CENPW: variants seen among roughly 807,000 people sequenced by gnomAD.
The protein encoded by CENPW is centromere protein W.
Under a neutral mutation model 11.1 loss-of-function variants are expected in CENPW, and 3 were observed. The observed-to-expected ratio is 0.27, with a 90% confidence interval of 0.12 to 0.70. CENPW has a LOEUF of 0.70. CENPW is among the 30% of genes least tolerant of loss of function. CENPW has a pLI of 0.77. For synonymous variants in CENPW, 38 were observed against 42.0 expected (o/e 0.91, Z 0.37); for missense variants, 100 against 105.6 (o/e 0.95, Z 0.23).
At chr6:126,457,150 G>GA in the CENPW span, among the ~76,000 whole-genome samples, 16 of 149,326 alleles carry the variant, frequency 1.1e-4, no homozygotes, top group East Asian at 1.6e-3. Flanking sequence ...TCCAAAAACT[G>GA]AAAAAAAAAT....
chr6:126,389,269 C>A, the CENPW span, among the ~76,000 whole-genome samples: 2 of 151,926 alleles, frequency 1.3e-5, no homozygotes, highest in Non-Finnish European at 2.9e-5. Flanking sequence ...GAGACAATTG[C>A]TATCTACAGT....
At chr6:126,474,573 A>G in the CENPW span, among the ~76,000 whole-genome samples, 1 of 152,186 alleles carries the variant, frequency 6.6e-6, no homozygotes, top group Non-Finnish European at 1.5e-5. Context: ...TTTGTCTGCT[A>G]TGACAATTAT....
the CENPW span, among the ~76,000 whole-genome samples, chr6:126,406,850 CT>C: frequency 6.7e-6 from 1 of 150,146 alleles, no homozygotes; most frequent in Non-Finnish European, 1.5e-5. Flanking sequence ...AGACTCCATC[CT>C]GGAAAAAAAA....
chr6:126,352,389 C>G (rs1005374560), downstream of CENPW, among the ~76,000 whole-genome samples: 1 of 151,952 alleles, frequency 6.6e-6, no homozygotes, highest in Non-Finnish European at 1.5e-5. Context: ...ACTCTAGAGG[C>G]TTTTTATTTA....
the CENPW span, among the ~76,000 whole-genome samples, chr6:126,433,298 C>T: frequency 8.0e-4 from 121 of 152,146 alleles, no homozygotes; most frequent in Non-Finnish European, 1.6e-3. Flanking sequence ...ATATATTAGG[C>T]CTTGTGCTAG....
chr6:126,384,689 A>G, the CENPW span, among the ~76,000 whole-genome samples: 8 of 152,164 alleles, frequency 5.3e-5, no homozygotes, highest in Non-Finnish European at 1.2e-4. Context: ...AATCTAGGCA[A>G]TACCATTCTG....
the CENPW span, among the ~76,000 whole-genome samples, chr6:126,430,121 C>T: frequency 1.3e-5 from 2 of 152,160 alleles, no homozygotes; most frequent in African/African-American, 4.8e-5. Context: ...GTGTATGTAC[C>T]TGGAATAGAT....
At chr6:126,424,902 A>G in the CENPW span, among the ~76,000 whole-genome samples, 4 of 152,098 alleles carry the variant, frequency 2.6e-5, no homozygotes, top group African/African-American at 9.7e-5. Flanking sequence ...AAGCACCTCT[A>G]GCACCTGATA....
chr6:126,342,271 C>G (rs1269384522), intron 1 of CENPW, among the ~76,000 whole-genome samples: 1 of 152,146 alleles, frequency 6.6e-6, no homozygotes, highest in Non-Finnish European at 1.5e-5. Flanking sequence ...AAGGTAAGAT[C>G]AAATGAAATT....
chr6:126,366,242 C>G, the CENPW span, among the ~76,000 whole-genome samples: 8 of 151,914 alleles, frequency 5.3e-5, no homozygotes, highest in Non-Finnish European at 7.4e-5. Context: ...CAAAATTTTA[C>G]TCTGTAATTT....
chr6:126,342,197 A>G (rs1054062917), intron 1 of CENPW, among the ~76,000 whole-genome samples: 3 of 152,210 alleles, frequency 2.0e-5, no homozygotes, highest in Admixed American at 6.5e-5. Flanking sequence ...AGGTTAAGTG[A>G]GAGGAACCTT....
chr6:126,380,971 C>T, the CENPW span, among the ~76,000 whole-genome samples: 4 of 152,252 alleles, frequency 2.6e-5, no homozygotes, highest in African/African-American at 7.2e-5. Flanking sequence ...TAGCAAAGAA[C>T]CCTGCTAAGA....
At chr6:126,404,727 G>C in the CENPW span, among the ~76,000 whole-genome samples, 1 of 151,846 alleles carries the variant, frequency 6.6e-6, no homozygotes, top group African/African-American at 2.4e-5. Context: ...ATGATATTGT[G>C]TTTGTGATTT....
chr6:126,422,154 G>A, the CENPW span, among the ~76,000 whole-genome samples: 2 of 152,054 alleles, frequency 1.3e-5, no homozygotes, highest in East Asian at 1.9e-4. Context: ...ATATTTTCTC[G>A]CAAGGAAAAA....
the CENPW span, among the ~76,000 whole-genome samples, chr6:126,374,197 A>C: frequency 5.3e-5 from 8 of 152,276 alleles, no homozygotes; most frequent in East Asian, 1.5e-3. Flanking sequence ...AAAATTTAAA[A>C]ATTAATAGTT....
chr6:126,374,662 A>G, the CENPW span, among the ~76,000 whole-genome samples: 46 of 152,320 alleles, frequency 3.0e-4, no homozygotes, highest in African/African-American at 1.1e-3. Context: ...TTGACCTTAC[A>G]GTAGTTATGG....
downstream of CENPW, among the ~76,000 whole-genome samples, chr6:126,351,229 C>T (rs1049062164): frequency 1.3e-4 from 19 of 150,916 alleles, no homozygotes; most frequent in African/African-American, 3.4e-4. Flanking sequence ...TGATATTATC[C>T]GTGTGATACC....
chr6:126,465,738 C>G, the CENPW span, among the ~76,000 whole-genome samples: 2 of 151,962 alleles, frequency 1.3e-5, no homozygotes, highest in Middle Eastern at 6.8e-3. Flanking sequence ...TTGATTTTGA[C>G]AAAGGTATGA....
At chr6:126,480,935 T>G in the CENPW span, among the ~76,000 whole-genome samples, 2 of 151,946 alleles carry the variant, frequency 1.3e-5, no homozygotes, top group South Asian at 4.1e-4. Context: ...ATATTCTAAA[T>G]TTTTTTACCC....
Sources: allele counts gnomAD v4.1 joint callset (sites outside exome capture counted in the v4.1 genomes callset), GRCh38; gene constraint gnomAD v4.1.1; transcripts MANE v1.5; gene names NCBI Gene and HGNC (gene_info 2026-07-23, HGNC 2026-07-21).